CD5: variants seen among roughly 807,000 people sequenced by gnomAD.
CD5 encodes CD5 molecule.
Under a neutral mutation model 60.3 loss-of-function variants are expected in CD5, and 36 were observed. That is an observed-to-expected ratio of 0.60 (90% confidence interval 0.46 to 0.79). CD5 has a LOEUF of 0.79. Among genes scored for constraint, CD5 ranks in the 30% least tolerant of loss-of-function variants. CD5 has a pLI of 0.00. For missense variants in CD5, 540 were observed against 630.6 expected (o/e 0.86, Z 1.54); for synonymous variants, 230 against 257.6 (o/e 0.89, Z 1.03).
At chr11:61,117,438 C>T (rs1021365218) in intron 2 of CD5, among the ~76,000 whole-genome samples, 3 of 152,102 alleles carry the variant, frequency 2.0e-5, no homozygotes, top group Non-Finnish European at 2.9e-5. Context: ...CAAATTCCAT[C>T]GAACAGTATC....
chr11:61,095,132 C>A, the CD5 span, among the ~76,000 whole-genome samples: 1 of 152,110 alleles, frequency 6.6e-6, no homozygotes, highest in Non-Finnish European at 1.5e-5. Flanking sequence ...GAATTGGTAC[C>A]AGCAGTATCC....
At chr11:61,119,056 CT>C in intron 4 of CD5, 79 bp downstream of exon 4, 1 of 1,329,372 alleles carries the variant, frequency 7.5e-7, no homozygotes, top group Admixed American at 2.0e-5. Flanking sequence ...ATTGGAATTT[CT>C]GACAAAGGTG....
rs1191728152 is a variant in CD5, at chr11:61,115,087, T to C, written c.87T>C (p.Tyr29=). 1 of 1,558,084 alleles carries C rather than the reference T, an allele frequency of 6.4e-7. No individual in the cohort carries two copies. The highest frequency in any genetic ancestry group is 1.9e-5 in the Admixed American group (1 of 52,170). The change falls in exon 2 of 11, where the codon TAT becomes TAC. Residue 29 remains tyrosine, a synonymous_variant. Coordinates refer to ENST00000347785, the MANE Select transcript of CD5 (RefSeq NM_014207.4). ...VASCLGRLSW[Y]DPDFQARLTR... ...CCTGCCTCGGACGGCTCAGCTGGTA[T>C]GACCCAGGTAAGGAAGAGCCACATG...
In CD5 at chr11:61,121,926, G is replaced by A. The variant is rs7108787; in HGVS notation, c.1099+22G>A. 15,628 of 1,510,668 alleles carry A rather than the reference G, an allele frequency of 0.01. 1,377 individuals are homozygous for A. The African/African-American group carries it at 0.19, about 18-fold the overall frequency. The allele number at this position is 1,510,668 out of a possible 1,614,324, so 93.6% of individuals were successfully genotyped here. A position where few individuals can be genotyped will look rare whatever the true frequency, so the allele number is the denominator to read the frequency against. ...ACATGTGAGTTGGCCACAGCCCACA[G>A]TGGGTGGAAGCAGTTACTACTTTAC... is the stretch of plus-strand genomic sequence containing the variant. On this transcript the variant is annotated intron_variant, in intron 6 of 10. Coordinates refer to ENST00000347785, the MANE Select transcript of CD5 (RefSeq NM_014207.4).
At chr11:61,111,555 C>T (rs1221477401) in intron 1 of CD5, among the ~76,000 whole-genome samples, 1 of 152,170 alleles carries the variant, frequency 6.6e-6, no homozygotes, top group Non-Finnish European at 1.5e-5. Flanking sequence ...GTGGGGTTGC[C>T]TCTCAATAAA....
intron 1 of CD5, among the ~76,000 whole-genome samples, chr11:61,106,928 T>C (rs1005876454): frequency 2.0e-5 from 3 of 152,170 alleles, no homozygotes; most frequent in Admixed American, 6.5e-5. Context: ...ACACCTACTA[T>C]GTGCCAGATG....
rs1336433170 is a variant in CD5, at chr11:61,125,776, C to T, written c.1425C>T (p.Ser475=). The T allele has an allele frequency of 1.2e-5, 20 of 1,612,036 alleles. No individual in the cohort carries two copies. The highest frequency in any genetic ancestry group is 5.9e-6 in the Non-Finnish European group (7 of 1,178,776). The change falls in exon 10 of 11, where the codon TCC becomes TCT. Residue 475 remains serine, a synonymous_variant. Transcript: ENST00000347785. The part of the protein sequence containing the change: ...YPALEGALHR[S]SMQPDNSSDS... Reference sequence around the variant, plus strand: ...CTCTGGAAGGGGCTCTGCATCGCTCCTCCATGCAGCCTGACAACTCCTCCG... The same window carrying T: ...CTCTGGAAGGGGCTCTGCATCGCTCTTCCATGCAGCCTGACAACTCCTCCG...
rs1276756976 is a variant in CD5, at chr11:61,121,921, CCA to C, written c.1099+20_1099+21del. On this transcript the variant is annotated intron_variant, in intron 6 of 10. Coordinates refer to ENST00000347785, the MANE Select transcript of CD5 (RefSeq NM_014207.4). ...TTGTCACATGTGAGTTGGCCACAGC[CCA>C]CAGTGGGTGGAAGCAGTTACTACTT... 1 of 1,512,924 alleles carries C rather than the reference CCA, an allele frequency of 6.6e-7. No individual in the cohort carries two copies. Among genetic ancestry groups the C allele is most frequent in the Admixed American group, 1.9e-5 (1 of 51,360 alleles). The allele number at this position is 1,512,924 out of a possible 1,614,324, so 93.7% of individuals were successfully genotyped here.
At chr11:61,096,230 A>G in the CD5 span, among the ~76,000 whole-genome samples, 1 of 152,264 alleles carries the variant, frequency 6.6e-6, no homozygotes, top group Non-Finnish European at 1.5e-5. Flanking sequence ...GGCATTGGAA[A>G]GATAAGTGTC....
chr11:61,122,787 T>C, intron 6 of CD5, 120 bp from the exon 7 acceptor site: 1 of 1,097,394 alleles, frequency 9.1e-7, no homozygotes, highest in East Asian at 2.4e-5. Context: ...CTTCCGTGCA[T>C]GCTGGTGAAT....
chr11:61,115,949 C>T (rs532110641), intron 2 of CD5, among the ~76,000 whole-genome samples: 1 of 152,330 alleles, frequency 6.6e-6, no homozygotes, highest in South Asian at 2.1e-4. Flanking sequence ...CCTGGTGAAG[C>T]GGCAACGAGC....
chr11:61,101,148 A>ATT, upstream of CD5, among the ~76,000 whole-genome samples: 1 of 110,484 alleles, frequency 9.1e-6, no homozygotes. Context: ...GAGATTACAC[A>ATT]CACATCAACA....
At chr11:61,095,685 G>A in the CD5 span, among the ~76,000 whole-genome samples, 2 of 152,152 alleles carry the variant, frequency 1.3e-5, no homozygotes, top group African/African-American at 4.8e-5. Context: ...ACCAGACATG[G>A]AGAGGCTAAG....
intron 2 of CD5, among the ~76,000 whole-genome samples, chr11:61,116,491 C>T (rs1860949423): frequency 7.7e-6 from 1 of 130,452 alleles, no homozygotes; most frequent in Admixed American, 7.5e-5. Flanking sequence ...ACACACCCCA[C>T]ACACACCACC....
At chr11:61,103,841 TG>T (rs1455514753) in intron 1 of CD5, among the ~76,000 whole-genome samples, 45 of 106,098 alleles carry the variant, frequency 4.2e-4, no homozygotes, top group Middle Eastern at 7.0e-3. Context: ...GAGTACTGTG[TG>T]GGGGGGAATG....
rs1861163604 is a variant in CD5, at chr11:61,127,363, A to AACACATCCTAAC, written c.*1089_*1090insCACACATCCTAA. On this transcript the variant is annotated 3_prime_UTR_variant, in exon 11 of 11. Transcript: ENST00000347785. ...CCCTAAGAAGGTGAAGCAACATGGG[A>AACACATCCTAAC]ACACATCCTAAGACAGGTCCTTTCT... 6.6e-6 allele frequency: 1 copy of AACACATCCTAAC among 151,704 alleles called. No individual in the cohort carries two copies. Among genetic ancestry groups the AACACATCCTAAC allele is most frequent in the African/African-American group, 2.4e-5 (1 of 41,296 alleles). 9.4% of individuals were successfully genotyped at this position (151,704 alleles called of 1,614,324 possible). A position where few individuals can be genotyped will look rare whatever the true frequency, so the allele number is the denominator to read the frequency against.
At chr11:61,106,477 G>T (rs1860780765) in intron 1 of CD5, among the ~76,000 whole-genome samples, 1 of 152,162 alleles carries the variant, frequency 6.6e-6, no homozygotes, top group Non-Finnish European at 1.5e-5. Flanking sequence ...GCCCTGGTTG[G>T]ATCATCCTCC....
chr11:61,103,851 T>C (rs1167821118), intron 1 of CD5, among the ~76,000 whole-genome samples: 1 of 89,254 alleles, frequency 1.1e-5, no homozygotes. Context: ...TGGGGGGGAA[T>C]GTGTGAGTCT....
rs1465627983 is a variant in CD5, at chr11:61,110,552, G to A, written c.56-4504G>A. Reference sequence around the variant, plus strand: ...AAGTTCATTCCCTTTGATCAGGATTGCACACCAGGGTGGTGCAGGAATCAA... The same window carrying A: ...AAGTTCATTCCCTTTGATCAGGATTACACACCAGGGTGGTGCAGGAATCAA... On this transcript the variant is annotated intron_variant, in intron 1 of 10. Transcript: ENST00000347785. Among the ~76,000 whole-genome samples, 4 of 152,320 alleles carry A rather than the reference G, an allele frequency of 2.6e-5. No individual in the cohort carries two copies. In the East Asian group the frequency reaches 7.7e-4, roughly 29 times the overall value.
Sources: allele counts gnomAD v4.1 joint callset (sites outside exome capture counted in the v4.1 genomes callset), GRCh38; gene constraint gnomAD v4.1.1; transcripts MANE v1.5; gene names NCBI Gene and HGNC (gene_info 2026-07-23, HGNC 2026-07-21).